ZMYM5: variants seen among roughly 807,000 people sequenced by gnomAD.
ZMYM5 encodes zinc finger MYM-type protein 5.
Under a neutral mutation model 61.8 loss-of-function variants are expected in ZMYM5, and 41 were observed. The ratio of observed to expected loss-of-function variants is 0.66; its 90% CI spans 0.52 to 0.86. The LOEUF (loss-of-function observed/expected upper bound fraction) is 0.86. ZMYM5 is among the 40% of genes least tolerant of loss of function. The pLI is 0.00. For missense variants in ZMYM5, 706 were observed against 786.7 expected (o/e 0.90, Z 1.23); for synonymous variants, 257 against 276.4 (o/e 0.93, Z 0.70).
chr13:19,849,349 C>T (rs1429975940), intron 4 of ZMYM5, among the ~76,000 whole-genome samples: 2 of 152,108 alleles, frequency 1.3e-5, no homozygotes, highest in Non-Finnish European at 2.9e-5. Context: ...GGTTCAAACT[C>T]CTGGCCTCAA....
intron 7 of ZMYM5, among the ~76,000 whole-genome samples, chr13:19,835,228 C>T (rs1418356715): frequency 2.6e-5 from 4 of 152,040 alleles, no homozygotes; most frequent in African/African-American, 7.2e-5. Flanking sequence ...CTCCTGAGCT[C>T]AAGCAATCCT....
intron 7 of ZMYM5, among the ~76,000 whole-genome samples, chr13:19,834,972 A>G (rs1338380614): frequency 6.8e-6 from 1 of 148,110 alleles, no homozygotes; most frequent in Non-Finnish European, 1.5e-5. Flanking sequence ...AGTGTTAGCC[A>G]CTGTGCCTGA....
At chr13:19,831,029 C>T (rs1443477017) in intron 7 of ZMYM5, among the ~76,000 whole-genome samples, 2 of 151,834 alleles carry the variant, frequency 1.3e-5, no homozygotes, top group South Asian at 4.2e-4. Context: ...TTAGTAGAGA[C>T]AGGGTTTCAC....
chr13:19,852,224 G>C lies in ZMYM5; in HGVS notation c.-10-34C>G, dbSNP rs1953341845. ...ACAGAAAAGAAAAAAAAAAGTTCTA[G>C]TATGTTATGGTTTTTGCATTTTACT... On this transcript the variant is annotated intron_variant, in intron 2 of 7. Coordinates refer to ENST00000337963, the MANE Select transcript of ZMYM5 (RefSeq NM_001142684.2). The C allele has an allele frequency of 2.0e-6, 3 of 1,492,954 alleles. No individual in the cohort carries two copies. In the East Asian group the frequency reaches 6.9e-5, roughly 34 times the overall value. The allele number at this position is 1,492,954 out of a possible 1,614,324, so 92.5% of individuals were successfully genotyped here. A position where few individuals can be genotyped will look rare whatever the true frequency, so the allele number is the denominator to read the frequency against.
chr13:19,860,447 TA>T (rs1953699617), intron 2 of ZMYM5, among the ~76,000 whole-genome samples: 2 of 125,250 alleles, frequency 1.6e-5, no homozygotes, highest in African/African-American at 5.7e-5. Flanking sequence ...TGTGTGTGTG[TA>T]TGTGTGTGTG....
Position 19,824,424 on chromosome 13 carries a change from T to C in ZMYM5, c.*53A>G, listed in dbSNP as rs1890805996. ...GTACTGACTATTGCAGGACAGATGT[T>C]TTCTGAGTAATGTAAGATTCTGATC... On this transcript the variant is annotated 3_prime_UTR_variant, in exon 8 of 8. Coordinates refer to ENST00000337963, the MANE Select transcript of ZMYM5 (RefSeq NM_001142684.2). 1 of 1,252,070 alleles carries C rather than the reference T, an allele frequency of 8.0e-7. No individual in the cohort carries two copies. The highest frequency in any genetic ancestry group is 1.0e-6 in the Non-Finnish European group (1 of 974,330). The allele number at this position is 1,252,070 out of a possible 1,614,324, so 77.6% of individuals were successfully genotyped here.
chr13:19,831,869 T>G (rs1255506691), intron 7 of ZMYM5, among the ~76,000 whole-genome samples: 2 of 150,980 alleles, frequency 1.3e-5, no homozygotes, highest in Non-Finnish European at 3.0e-5. Flanking sequence ...TCTTCTTTTG[T>G]TTTTGAGATG....
intron 2 of ZMYM5, among the ~76,000 whole-genome samples, chr13:19,861,943 G>C (rs1292828411): frequency 6.6e-6 from 1 of 151,970 alleles, no homozygotes; most frequent in South Asian, 2.1e-4. Context: ...CTTAGAATTA[G>C]GAATAGTTTG....
chr13:19,835,793 C>T, intron 6 of ZMYM5, 104 bp from the exon 7 acceptor site: 1 of 801,944 alleles, frequency 1.2e-6, no homozygotes, highest in Non-Finnish European at 1.8e-6. Context: ...AATCCCTAAT[C>T]ATATCTCAGA....
At chr13:19,840,505 C>G (rs1181238055) in intron 4 of ZMYM5, among the ~76,000 whole-genome samples, 2 of 152,054 alleles carry the variant, frequency 1.3e-5, no homozygotes, top group Non-Finnish European at 2.9e-5. Flanking sequence ...TCTTGAGTAG[C>G]TGGGACAACA....
At position 19,851,367 on chromosome 13, in the gene ZMYM5, G is replaced by A; in HGVS notation, c.574C>T (p.His192Tyr). ...DLFQNGEFAT[H>Y]HSPDSWISQS... ...ACTTACTGCTTACCAGGACTATGAT[G>A]AGTTGCAAATTCTCCATTCTGAAAT... The change falls in exon 4 of 8, where the codon CAT (histidine) becomes TAT (tyrosine). Residue 192 changes from histidine (H) to tyrosine (Y), a missense_variant. By Grantham distance (83) the His-to-Tyr change is moderately conservative. This residue lies in a region of ZMYM5 where 480 missense variants were observed against 461.7 expected (regional missense o/e 1.04). Coordinates refer to ENST00000337963, the MANE Select transcript of ZMYM5 (RefSeq NM_001142684.2). 6.2e-7 allele frequency: 1 copy of A among 1,613,966 alleles called. No individual in the cohort carries two copies. Among genetic ancestry groups the A allele is most frequent in the South Asian group, 1.1e-5 (1 of 91,076 alleles).
chr13:19,856,325 G>C (rs11842421), intron 2 of ZMYM5, among the ~76,000 whole-genome samples: 12,676 of 152,076 alleles, frequency 0.083, 565 homozygotes, highest in Middle Eastern at 0.13. Context: ...ATATGGCCTG[G>C]TCCATATCAG....
Position 19,832,788 on chromosome 13 carries a change from A to G in ZMYM5, c.1251+2689T>C, listed in dbSNP as rs9506388. On this transcript the variant is annotated intron_variant, in intron 7 of 7. Transcript: ENST00000337963. ...CTTTTTAAATTTCGTTTTGTTAAAG[A>G]TAGTCTCATTCTGTTGCCCAGGGTG... 1.3e-3 allele frequency among the ~76,000 whole-genome samples: 194 copies of G among 152,156 alleles called. 1 individual carries two copies. Among genetic ancestry groups the G allele is most frequent in the Non-Finnish European group, 2.4e-3 (163 of 68,000 alleles).
chr13:19,841,179 G>T (rs1952865290), intron 4 of ZMYM5, among the ~76,000 whole-genome samples: 1 of 151,880 alleles, frequency 6.6e-6, no homozygotes, highest in Non-Finnish European at 1.5e-5. Context: ...TGGTCAGGCT[G>T]GTCTTGAACT....
chr13:19,856,936 C>T (rs1014125903), intron 2 of ZMYM5, among the ~76,000 whole-genome samples: 2 of 152,090 alleles, frequency 1.3e-5, no homozygotes, highest in African/African-American at 4.8e-5. Flanking sequence ...GAAACCCCGC[C>T]TCTACTAAAA....
chr13:19,840,912 C>T (rs749313470), intron 4 of ZMYM5, among the ~76,000 whole-genome samples: 1 of 151,946 alleles, frequency 6.6e-6, no homozygotes, highest in South Asian at 2.1e-4. Flanking sequence ...CTCCTGACCT[C>T]ATGATCCACC....
chr13:19,837,531 C>T, intron 6 of ZMYM5, 125 bp downstream of exon 6: 1 of 1,603,620 alleles, frequency 6.2e-7, no homozygotes, highest in Non-Finnish European at 8.5e-7. Context: ...CTTATTCTTC[C>T]TTTCAGCTTC....
chr13:19,833,997 A>G (rs1952597504), intron 7 of ZMYM5, among the ~76,000 whole-genome samples: 1 of 152,106 alleles, frequency 6.6e-6, no homozygotes, highest in African/African-American at 2.4e-5. Flanking sequence ...TTTTTTTGAG[A>G]CAGAGCGTTG....
At chr13:19,833,287 T>A (rs1952580702) in intron 7 of ZMYM5, among the ~76,000 whole-genome samples, 1 of 152,190 alleles carries the variant, frequency 6.6e-6, no homozygotes, top group Admixed American at 6.5e-5. Flanking sequence ...ATTTCCAGTT[T>A]TACATTATGA....
Sources: allele counts gnomAD v4.1 joint callset (sites outside exome capture counted in the v4.1 genomes callset), GRCh38; gene constraint gnomAD v4.1.1; regional missense constraint gnomAD v4.1.1; transcripts MANE v1.5; gene names NCBI Gene and HGNC (gene_info 2026-07-23, HGNC 2026-07-21).